The following TDRD9 variants were observed in gnomAD, a reference collection of about 807,000 sequenced individuals.
The protein encoded by TDRD9 is ATP-dependent RNA helicase TDRD9.
Under a neutral mutation model 172.6 loss-of-function variants are expected in TDRD9, and 124 were observed. That is an observed-to-expected ratio of 0.72 (90% CI 0.62 to 0.83). TDRD9 has a LOEUF of 0.83. TDRD9 is among the 40% of genes least tolerant of loss of function. The pLI is 0.00. For synonymous variants in TDRD9, 619 were observed against 617.1 expected (o/e 1.00, Z -0.05); for missense variants, 1,479 against 1,714.1 (o/e 0.86, Z 2.42).
rs552102385 is a variant in TDRD9, at chr14:103,938,310, C to A, written c.215+9586C>A. Among the ~76,000 whole-genome samples, 4 of 150,092 alleles carry A rather than the reference C, an allele frequency of 2.7e-5. No individual in the cohort carries two copies. In the South Asian group the frequency reaches 8.4e-4, roughly 32 times the overall value. On this transcript the variant is annotated intron_variant, in intron 1 of 35. Coordinates refer to ENST00000409874, the MANE Select transcript of TDRD9 (RefSeq NM_153046.3). ...CTAGCTAAATATTGTAGCTCCTGAA[C>A]GAATGCTGCTTTTTCTTGATAAAAC...
Position 103,959,207 on chromosome 14 carries a change from T to C in TDRD9, c.322+3437T>C, listed in dbSNP as rs539824097. ...AGTTGAAGGACAAACCGGACAGGAA[T>C]TGGTGATGCCTTGGACACAGGGTGA... is the stretch of plus-strand genomic sequence containing the variant. On this transcript the variant is annotated intron_variant, in intron 2 of 35. Transcript: ENST00000409874. Among the ~76,000 whole-genome samples, 4 of 152,122 alleles carry C rather than the reference T, an allele frequency of 2.6e-5. No individual in the cohort carries two copies. In the East Asian group the frequency reaches 7.7e-4, roughly 29 times the overall value.
rs755523438 is a variant in TDRD9 at position 103,995,733 on chromosome 14, T to A, written c.1321-17T>A. Reference sequence around the variant, plus strand: ...AATATAGTAGGAATGTCAGCTTTTTTCTTTGATGTTTAACAGATTATTCTG... The same window carrying A: ...AATATAGTAGGAATGTCAGCTTTTTACTTTGATGTTTAACAGATTATTCTG... On this transcript the variant is annotated splice_polypyrimidine_tract_variant and intron_variant, in intron 11 of 35. Coordinates refer to ENST00000409874, the MANE Select transcript of TDRD9 (RefSeq NM_153046.3). The A allele has an allele frequency of 6.3e-7, 1 of 1,579,830 alleles. No individual in the cohort carries two copies. Among genetic ancestry groups the A allele is most frequent in the Non-Finnish European group, 8.6e-7 (1 of 1,166,772 alleles).
chr14:103,967,232 C>T (rs184023144), intron 5 of TDRD9, among the ~76,000 whole-genome samples: 149 of 150,344 alleles, frequency 9.9e-4, no homozygotes, highest in Middle Eastern at 3.4e-3. Flanking sequence ...ATTTGGGCAA[C>T]GGGCTCATGC....
intron 1 of TDRD9, among the ~76,000 whole-genome samples, chr14:103,929,790 GA>G (rs1194946685): frequency 6.6e-6 from 1 of 152,218 alleles, no homozygotes; most frequent in Admixed American, 6.5e-5. Flanking sequence ...AAAGTGCTGG[GA>G]TTACAGGCGT....
chr14:104,028,109 G>A (rs2035178404), intron 28 of TDRD9, among the ~76,000 whole-genome samples: 1 of 152,134 alleles, frequency 6.6e-6, no homozygotes, highest in African/African-American at 2.4e-5. Flanking sequence ...CGGACACCTA[G>A]GTTGGTTCTG....
chr14:103,952,626 T>C (rs1347566658), intron 1 of TDRD9, among the ~76,000 whole-genome samples: 1 of 151,874 alleles, frequency 6.6e-6, no homozygotes, highest in Non-Finnish European at 1.5e-5. Flanking sequence ...ATTTCTTTTT[T>C]TCAGTATTTT....
Position 103,932,825 on chromosome 14 carries a change from ATTAAATCAGC to A in TDRD9, c.215+4112_215+4121del, listed in dbSNP as rs1275236743. 5.9e-5 allele frequency among the ~76,000 whole-genome samples: 9 copies of A among 152,282 alleles called. No individual in the cohort carries two copies. In the East Asian group the frequency reaches 1.3e-3, roughly 23 times the overall value. On this transcript the variant is annotated intron_variant, in intron 1 of 35. Coordinates refer to ENST00000409874, the MANE Select transcript of TDRD9 (RefSeq NM_153046.3). Reference sequence around the variant, plus strand: ...AGAGTGTTGTTAAATCAGCTTAATGATTAAATCAGCTTAAATCAGCAGAAGAACATGGGCA... The same window carrying A: ...AGAGTGTTGTTAAATCAGCTTAATGATTAAATCAGCAGAAGAACATGGGCA...
chr14:103,990,705 C>G (rs2033833444), intron 8 of TDRD9, among the ~76,000 whole-genome samples: 1 of 152,162 alleles, frequency 6.6e-6, no homozygotes, highest in African/African-American at 2.4e-5. Context: ...CTCACAGGTT[C>G]ATGGAAGAAT....
intron 32 of TDRD9, among the ~76,000 whole-genome samples, chr14:104,038,511 G>A (rs2035518754): frequency 6.6e-6 from 1 of 152,188 alleles, no homozygotes; most frequent in Non-Finnish European, 1.5e-5. Flanking sequence ...TTGGAGGCTG[G>A]TGGGTGTCCA....
chr14:104,047,077 A>C (rs1156633737), intron 34 of TDRD9, among the ~76,000 whole-genome samples: 3 of 152,176 alleles, frequency 2.0e-5, no homozygotes, highest in African/African-American at 7.2e-5. Context: ...CCTGTGAGTC[A>C]GTTTGGGGAG....
At position 104,003,666 on chromosome 14, in the gene TDRD9, A is replaced by C. The variant is rs532094525; in HGVS notation, c.1484-572A>C. ...AGAGTTGCTACTTCATAGGTGATAG[A>C]GTCACAAGAGAGTAGTAGTTTGTGT... is the stretch of plus-strand genomic sequence containing the variant. On this transcript the variant is annotated intron_variant, in intron 13 of 35. Transcript: ENST00000409874. Among the ~76,000 whole-genome samples the C allele has an allele frequency of 2.6e-5, 4 of 152,174 alleles. No homozygotes were observed. The East Asian group carries it at 7.7e-4, about 29-fold the overall frequency.
At chr14:103,957,636 G>T (rs1255935233) in intron 2 of TDRD9, among the ~76,000 whole-genome samples, 1 of 152,196 alleles carries the variant, frequency 6.6e-6, no homozygotes, top group African/African-American at 2.4e-5. Flanking sequence ...CAGCTTTGGA[G>T]GTAGGAAGTA....
At chr14:103,994,912 G>C (rs920354422) in intron 11 of TDRD9, among the ~76,000 whole-genome samples, 1 of 150,868 alleles carries the variant, frequency 6.6e-6, no homozygotes, top group Non-Finnish European at 1.5e-5. Context: ...GATCACACTG[G>C]TGCACTCCAG....
chr14:104,051,764 A>C (rs1052802001), intron 35 of TDRD9, among the ~76,000 whole-genome samples: 1 of 152,196 alleles, frequency 6.6e-6, no homozygotes, highest in African/African-American at 2.4e-5. Context: ...AGAAGCGTTC[A>C]TGTCTTTTGT....
intron 21 of TDRD9, 104 bp from the exon 22 acceptor site, chr14:104,015,877 T>G (rs1158110428): frequency 1.3e-6 from 1 of 765,278 alleles, no homozygotes; most frequent in Non-Finnish European, 2.0e-6. Context: ...TAACCATCTT[T>G]TACATTTATG....
At chr14:104,042,771 C>T (rs574461132) in intron 34 of TDRD9, among the ~76,000 whole-genome samples, 3 of 152,098 alleles carry the variant, frequency 2.0e-5, no homozygotes, top group African/African-American at 4.8e-5. Flanking sequence ...TGCCCCAGAG[C>T]CAGTCTCCCT....
At chr14:104,018,402 G>A (rs1314042829) in intron 23 of TDRD9, among the ~76,000 whole-genome samples, 1 of 152,164 alleles carries the variant, frequency 6.6e-6, no homozygotes, top group Non-Finnish European at 1.5e-5. Flanking sequence ...AAGGAACTAA[G>A]CTGCTGGTTA....
chr14:103,962,147 C>G (rs998437858), intron 2 of TDRD9, among the ~76,000 whole-genome samples: 1 of 152,178 alleles, frequency 6.6e-6, no homozygotes, highest in Non-Finnish European at 1.5e-5. Context: ...TGTGCCTGGT[C>G]AGAGCTCTGT....
chr14:104,011,657 G>T (rs2034616720), intron 20 of TDRD9, among the ~76,000 whole-genome samples: 1 of 152,098 alleles, frequency 6.6e-6, no homozygotes, highest in Admixed American at 6.5e-5. Flanking sequence ...TCCAGATCAT[G>T]AAGTTTATTG....
Sources: gnomAD v4.1 joint callset for allele counts (sites outside exome capture counted in the v4.1 genomes callset) on GRCh38, gnomAD v4.1.1 for gene constraint, MANE v1.5 for transcripts, NCBI Gene and HGNC (gene_info 2026-07-23, HGNC 2026-07-21) for gene names.